Variants in EFCAB8 observed in about 807,000 individuals in gnomAD.
The protein encoded by EFCAB8 is EF-hand calcium-binding domain-containing protein 8.
A neutral mutation model predicts 116.3 loss-of-function variants in EFCAB8; 100 were observed. The observed-to-expected ratio is 0.86, with a 90% CI of 0.73 to 1.02. The LOEUF is 1.02. Ranked by LOEUF, EFCAB8 falls within the 50% of genes least tolerant of loss-of-function variation. The pLI is 0.00. For synonymous variants in EFCAB8, 558 were observed against 567.9 expected (o/e 0.98, Z 0.25); for missense variants, 1,320 against 1,416.9 (o/e 0.93, Z 1.10).
At chr20:32,946,640 C>G (rs1025560501) in intron 23 of EFCAB8, among the ~76,000 whole-genome samples, 4 of 152,088 alleles carry the variant, frequency 2.6e-5, no homozygotes, top group Non-Finnish European at 5.9e-5. Context: ...TTTTAAAAAT[C>G]AGATTTCTGA....
At chr20:32,925,699 T>C (rs1376068509) in intron 20 of EFCAB8, among the ~76,000 whole-genome samples, 1 of 152,176 alleles carries the variant, frequency 6.6e-6, no homozygotes. Context: ...ATCTCCCCAG[T>C]AGGGAAGGAC....
Position 32,943,804 on chromosome 20 carries a change from G to A in EFCAB8, c.2959G>A (p.Gly987Arg). The A allele has an allele frequency of 2.4e-6, 1 of 416,866 alleles. No individual in the cohort carries two copies. 25.8% of individuals were successfully genotyped at this position (416,866 alleles called of 1,614,324 possible). A position where few individuals can be genotyped will look rare whatever the true frequency, so the allele number is the denominator to read the frequency against. ...TTGGAAACTCTCCGGTGATGCCATT[G>A]GTATGGGTCCTGCTGAAGCTCAGCC... ...KAWKLSGDAI[G>R]TFGLSVWKRL... Residue 987 changes from glycine (G) to arginine (R), a missense_variant and splice_region_variant, in exon 23 of 27, where the codon GGA becomes AGA. By Grantham distance (125) the Gly-to-Arg change is moderately radical (BLOSUM62 -2). Transcript: ENST00000400522.
intron 17 of EFCAB8, chr20:32,916,954 A>C (rs1029653751): frequency 4.6e-6 from 1 of 218,886 alleles, no homozygotes; most frequent in Non-Finnish European, 9.2e-6. Flanking sequence ...GGCAGAAGGC[A>C]CACTATGTTC....
chr20:32,920,125 C>T lies in EFCAB8; in HGVS notation c.2322C>T (p.His774=). 1 of 1,551,724 alleles carries T rather than the reference C, an allele frequency of 6.4e-7. No homozygotes were observed. Residue 774 remains histidine (H), a synonymous_variant, in exon 20 of 27, where the codon CAC becomes CAT. Transcript: ENST00000400522. ...CATCCAGGCAGTCAAGCAAGATCCA[C>T]AGCAAACAGTCCATTTACAAAGAGG... is the stretch of plus-strand genomic sequence containing the variant. ...SGTSRQSSKI[H]SKQSIYKEDE... is the part of the protein sequence containing the mutation.
chr20:32,905,098 C>G (rs1449583377), intron 11 of EFCAB8, among the ~76,000 whole-genome samples: 1 of 152,196 alleles, frequency 6.6e-6, no homozygotes, highest in South Asian at 2.1e-4. Context: ...GAGCCTCACC[C>G]GGCCCTAATG....
chr20:32,906,610 C>T lies in EFCAB8; in HGVS notation c.1137C>T (p.Cys379=). 1.4e-6 allele frequency: 1 copy of T among 718,426 alleles called. No homozygotes were observed. Among genetic ancestry groups the T allele is most frequent in the Non-Finnish European group, 2.6e-6 (1 of 385,090 alleles). 44.5% of individuals were successfully genotyped at this position (718,426 alleles called of 1,614,324 possible). ...LRKGILCFDY[C]PDRNFLVTGG... ...AAGGGATTCTTTGCTTTGATTACTG[C>T]CCAGACAGGAACTTCCTGGGTAAGT... The change falls in exon 12 of 27, where the codon TGC becomes TGT. Residue 379 remains cysteine (C), a synonymous_variant. Transcript: ENST00000400522.
At chr20:32,928,553 G>A (rs970586012) in intron 20 of EFCAB8, among the ~76,000 whole-genome samples, 1 of 152,256 alleles carries the variant, frequency 6.6e-6, no homozygotes, top group South Asian at 2.1e-4. Flanking sequence ...TGATTTTTAT[G>A]TGTTGACTTT....
At chr20:32,894,855 A>G (rs955858999) in intron 9 of EFCAB8, among the ~76,000 whole-genome samples, 6 of 152,218 alleles carry the variant, frequency 3.9e-5, no homozygotes, top group African/African-American at 1.4e-4. Flanking sequence ...TGATTAAACC[A>G]CAGCGCATCA....
chr20:32,929,244 G>A (rs1442179071), intron 20 of EFCAB8, among the ~76,000 whole-genome samples: 3 of 151,796 alleles, frequency 2.0e-5, no homozygotes, highest in Admixed American at 6.6e-5. Context: ...TTCTGGAAAA[G>A]TTTGGGAAGG....
intron 13 of EFCAB8, 49 bp downstream of exon 13, chr20:32,907,043 A>G (rs1986713609): frequency 6.8e-7 from 1 of 1,467,728 alleles, no homozygotes; most frequent in Non-Finnish European, 9.0e-7. Context: ...AGGGAAACAC[A>G]CTGGCCAGAG....
At chr20:32,873,031 T>A (rs1243717429) in intron 3 of EFCAB8, among the ~76,000 whole-genome samples, 3 of 151,934 alleles carry the variant, frequency 2.0e-5, no homozygotes, top group Non-Finnish European at 2.9e-5. Context: ...ATGCGGAGGT[T>A]GCAGTGAGCC....
chr20:32,875,984 C>A lies in EFCAB8; in HGVS notation c.267C>A (p.Asp89Glu). ...AGAAGGTTCTGAGCAGTGTGTCGGACGAGATGCTAAAGGAGCTGTTTTTGA... is the reference window on the plus strand; with the variant it reads ...AGAAGGTTCTGAGCAGTGTGTCGGAAGAGATGCTAAAGGAGCTGTTTTTGA... ...AMKKVLSSVS[D>E]EMLKELFLKV... Residue 89 changes from aspartate to glutamate, a missense_variant, in exon 4 of 27, where the codon GAC (aspartate) becomes GAA (glutamate). Coordinates refer to ENST00000400522, the MANE Select transcript of EFCAB8 (RefSeq NM_001143967.2). 1.9e-6 allele frequency: 3 copies of A among 1,552,138 alleles called. No individual in the cohort carries two copies. The highest frequency in any genetic ancestry group is 2.4e-5 in the South Asian group (2 of 84,060).
chr20:32,939,228 TTCCCTCCC>T (rs1386287038), intron 22 of EFCAB8, among the ~76,000 whole-genome samples: 4 of 116,100 alleles, frequency 3.4e-5, no homozygotes, highest in African/African-American at 1.3e-4. Context: ...CTCTCTCTCT[TTCCCTCCC>T]TCCCTGCCTT....
intron 15 of EFCAB8, 76 bp from the exon 16 acceptor site, chr20:32,911,404 A>G (rs564401594): frequency 8.3e-6 from 11 of 1,330,758 alleles, no homozygotes; most frequent in Admixed American, 3.1e-5. Context: ...GGGAGGGGCC[A>G]AGGCAGGCTG....
intron 20 of EFCAB8, among the ~76,000 whole-genome samples, chr20:32,928,732 C>G (rs1227959181): frequency 6.6e-6 from 1 of 152,072 alleles, no homozygotes; most frequent in Non-Finnish European, 1.5e-5. Flanking sequence ...TCTGGCAGAA[C>G]TTCCAGTACT....
chr20:32,911,411 G>C, intron 15 of EFCAB8, 69 bp from the exon 16 acceptor site: 1 of 1,369,800 alleles, frequency 7.3e-7, no homozygotes, highest in Middle Eastern at 2.6e-4. Context: ...GCCAAGGCAG[G>C]CTGGAGACCA....
rs111964129 is a variant in EFCAB8, at chr20:32,890,970, C to T, written c.674-1243C>T. Among the ~76,000 whole-genome samples, 88 of 152,336 alleles carry T rather than the reference C, an allele frequency of 5.8e-4. 1 individual carries two copies. The highest frequency in any genetic ancestry group is 2.0e-3 in the African/African-American group (83 of 41,570). ...GTGTGATACAGAGAAAGTGGTCAGC[C>T]GTCAGCAAGGGCTAGAGCAATCTAT... On this transcript the variant is annotated intron_variant, in intron 7 of 26. Coordinates refer to ENST00000400522, the MANE Select transcript of EFCAB8 (RefSeq NM_001143967.2).
At position 32,907,007 on chromosome 20, in the gene EFCAB8, G is replaced by A. The variant is rs374749769; in HGVS notation, c.1308+13G>A. 5.6e-5 allele frequency: 84 copies of A among 1,492,554 alleles called. No homozygotes were observed. The highest frequency in any genetic ancestry group is 5.4e-4 in the East Asian group (22 of 40,442). The allele number at this position is 1,492,554 out of a possible 1,614,324, so 92.5% of individuals were successfully genotyped here. A position where few individuals can be genotyped will look rare whatever the true frequency, so the allele number is the denominator to read the frequency against. On this transcript the variant is annotated intron_variant, in intron 13 of 26. Transcript: ENST00000400522. ...CTCCAAGGACAAGGTCCGCCCCGAC[G>A]GTCCGCCTGACTCCTTCTGTTCCTC...
chr20:32,961,314 G>A lies in EFCAB8; in HGVS notation c.3572G>A (p.Ser1191Asn), dbSNP rs1284772380. The change falls in exon 27 of 27, where the codon AGC becomes AAC. Residue 1191 changes from serine to asparagine, a missense_variant. Transcript: ENST00000400522. ...CAGGCTGTGCTGGATACCACGGACA[G>A]CACGCCTGCGGCCGCCTCCTCCCCA... Reference protein sequence around the residue: ...REQAVLDTTDSTPAAASSPSS... With the variant: ...REQAVLDTTDNTPAAASSPSS... The A allele has an allele frequency of 1.3e-6, 2 of 1,508,200 alleles. No individual in the cohort carries two copies. The highest frequency in any genetic ancestry group is 1.8e-6 in the Non-Finnish European group (2 of 1,127,876). The allele number at this position is 1,508,200 out of a possible 1,614,324, so 93.4% of individuals were successfully genotyped here.
Sources: gnomAD v4.1 joint callset for allele counts (sites outside exome capture counted in the v4.1 genomes callset) on GRCh38, gnomAD v4.1.1 for gene constraint, MANE v1.5 for transcripts, NCBI Gene and HGNC (gene_info 2026-07-23, HGNC 2026-07-21) for gene names.